Variants in ZNF670 observed in about 807,000 individuals in gnomAD.
ZNF670 encodes zinc finger protein 670.
A neutral mutation model predicts 10.9 loss-of-function variants in ZNF670; 7 were observed. That is an observed-to-expected ratio of 0.64 (90% CI 0.36 to 1.20). The LOEUF is 1.20. Among genes scored for constraint, ZNF670 ranks in the 50% most tolerant of loss-of-function variants. ZNF670 has a pLI of 0.02. For synonymous variants in ZNF670, 136 were observed against 152.7 expected, an observed-to-expected ratio of 0.89 and a Z score of 0.81; for missense variants, 446 against 458.6, an observed-to-expected ratio of 0.97 and a Z score of 0.25.
intron 1 of ZNF670, among the ~76,000 whole-genome samples, chr1:247,058,731 A>G (rs943841037): frequency 6.7e-6 from 1 of 150,282 alleles, no homozygotes; most frequent in African/African-American, 2.5e-5. Flanking sequence ...AAAAAACCAC[A>G]GTGAACATTA....
rs192611201 is a variant in ZNF670, at chr1:247,047,514, A to C, written c.4-7977T>G. ...CCTAGACGTCCATGTATTTCCATACATCCTCTGAAATTGTGGCAGAGGTTC... is the reference window on the plus strand; with the variant it reads ...CCTAGACGTCCATGTATTTCCATACCTCCTCTGAAATTGTGGCAGAGGTTC... On this transcript the variant is annotated intron_variant, in intron 1 of 3. Transcript: ENST00000366503. Among the ~76,000 whole-genome samples the C allele has an allele frequency of 2.2e-3, 329 of 152,060 alleles. 2 individuals carry two copies. Among genetic ancestry groups the C allele is most frequent in the African/African-American group, 7.5e-3 (313 of 41,472 alleles).
chr1:247,073,524 T>C (rs1437636835), intron 1 of ZNF670, among the ~76,000 whole-genome samples: 3 of 152,170 alleles, frequency 2.0e-5, no homozygotes, highest in African/African-American at 7.2e-5. Flanking sequence ...ACACCCTATT[T>C]ATCCCCTGCT....
chr1:247,041,901 A>G (rs747842570), intron 1 of ZNF670, among the ~76,000 whole-genome samples: 1 of 152,206 alleles, frequency 6.6e-6, no homozygotes, highest in Admixed American at 6.5e-5. Flanking sequence ...ATGGAACTGA[A>G]AAATTACAGA....
intron 1 of ZNF670, among the ~76,000 whole-genome samples, chr1:247,076,700 A>C (rs1572576526): frequency 1.4e-5 from 2 of 140,110 alleles, no homozygotes; most frequent in African/African-American, 5.5e-5. Flanking sequence ...TCCCTCTGTC[A>C]CCCAGGCTGG....
In ZNF670 at chr1:247,036,449, T is replaced by C. The variant is rs113541907; in HGVS notation, c.*1000A>G. Among the ~76,000 whole-genome samples, 3,929 of 152,232 alleles carry C rather than the reference T, an allele frequency of 0.026. 69 individuals carry two copies. The highest frequency in any genetic ancestry group is 0.039 in the Non-Finnish European group (2,633 of 67,998). ...AGGAGGATAGCTTGAGGCCAGGAAT[T>C]CAATACCAGCCTAGACAATACAGCG... On this transcript the variant is annotated 3_prime_UTR_variant, in exon 4 of 4. Coordinates refer to ENST00000366503, the MANE Select transcript of ZNF670 (RefSeq NM_033213.5).
chr1:247,036,115 TA>T lies in ZNF670; in HGVS notation c.*1333del, dbSNP rs1343183528. On this transcript the variant is annotated 3_prime_UTR_variant, in exon 4 of 4. Coordinates refer to ENST00000366503, the MANE Select transcript of ZNF670 (RefSeq NM_033213.5). ...ATTTATATCTGAAAGCCAGTTAACG[TA>T]ATAGACTATCAGTAGAATGCCAAAA... is the stretch of plus-strand genomic sequence containing the variant. 6.6e-6 allele frequency among the ~76,000 whole-genome samples: 1 copy of T among 152,114 alleles called. No homozygotes were observed. The highest frequency in any genetic ancestry group is 2.4e-5 in the African/African-American group (1 of 41,404).
intron 1 of ZNF670, among the ~76,000 whole-genome samples, chr1:247,049,308 T>C (rs1670536784): frequency 6.6e-6 from 1 of 151,972 alleles, no homozygotes; most frequent in Non-Finnish European, 1.5e-5. Context: ...CCTCACGACC[T>C]GCCCACCTCG....
chr1:247,040,480 A>G (rs1163565319), intron 1 of ZNF670, among the ~76,000 whole-genome samples: 1 of 152,182 alleles, frequency 6.6e-6, no homozygotes. Context: ...CAGACACTTT[A>G]TTAGCAACTG....
chr1:247,076,430 G>T (rs1356274013), intron 1 of ZNF670, among the ~76,000 whole-genome samples: 2 of 150,772 alleles, frequency 1.3e-5, no homozygotes, highest in East Asian at 4.0e-4. Context: ...CTAATTTTTT[G>T]TATTTTTAGT....
intron 1 of ZNF670, among the ~76,000 whole-genome samples, chr1:247,076,764 G>A (rs902428497): frequency 2.7e-5 from 4 of 147,436 alleles, no homozygotes; most frequent in East Asian, 2.1e-4. Context: ...GGCCTCAAGC[G>A]ATTCTCCTGC....
intron 1 of ZNF670, among the ~76,000 whole-genome samples, chr1:247,069,814 T>G (rs1432528145): frequency 6.6e-6 from 1 of 152,030 alleles, no homozygotes; most frequent in African/African-American, 2.4e-5. Flanking sequence ...CTCATGGACA[T>G]GAGTCAAAGG....
chr1:247,061,041 T>G (rs2103065629), intron 1 of ZNF670, among the ~76,000 whole-genome samples: 1 of 152,266 alleles, frequency 6.6e-6, no homozygotes, highest in South Asian at 2.1e-4. Flanking sequence ...TGCACAAATC[T>G]CAGTGCAACA....
intron 1 of ZNF670, among the ~76,000 whole-genome samples, chr1:247,049,350 G>A (rs993085549): frequency 3.3e-5 from 5 of 152,014 alleles, no homozygotes; most frequent in African/African-American, 1.2e-4. Flanking sequence ...ACAGGCATGA[G>A]CCACCATGCC....
intron 1 of ZNF670, among the ~76,000 whole-genome samples, chr1:247,039,954 T>C (rs536590153): frequency 2.0e-5 from 3 of 152,350 alleles, no homozygotes; most frequent in East Asian, 3.9e-4. Flanking sequence ...CCTTTTGGTG[T>C]GAGAAAATAG....
chr1:247,070,546 G>A (rs1671090719), intron 1 of ZNF670, among the ~76,000 whole-genome samples: 1 of 152,120 alleles, frequency 6.6e-6, no homozygotes, highest in Admixed American at 6.6e-5. Context: ...GAAAACCTAG[G>A]ACATACCATT....
intron 1 of ZNF670, among the ~76,000 whole-genome samples, chr1:247,063,577 C>CAAAAAA (rs5782410): frequency 2.1e-5 from 2 of 93,248 alleles, no homozygotes; most frequent in Admixed American, 1.3e-4. Context: ...AGCGAGACAC[C>CAAAAAA]AAAAAAAAAA....
At chr1:247,066,804 A>C (rs1670990129) in intron 1 of ZNF670, among the ~76,000 whole-genome samples, 1 of 152,192 alleles carries the variant, frequency 6.6e-6, no homozygotes, top group Non-Finnish European at 1.5e-5. Context: ...GAAGCCTGCT[A>C]TCTGGGGATT....
Position 247,038,575 on chromosome 1 carries a change from A to G in ZNF670, c.192-148T>C, listed in dbSNP as rs1670225423. ...TGTAAGATATGGGTCCCCCATAGCT[A>G]TTATCATTATTATCATAATTGTGAT... On this transcript the variant is annotated intron_variant, in intron 3 of 3. Coordinates refer to ENST00000366503, the MANE Select transcript of ZNF670 (RefSeq NM_033213.5). 7.6e-6 allele frequency: 6 copies of G among 789,104 alleles called. No individual in the cohort carries two copies. The South Asian group carries it at 1.1e-4, about 15-fold the overall frequency. The allele number at this position is 789,104 out of a possible 1,614,324, so 48.9% of individuals were successfully genotyped here. A position where few individuals can be genotyped will look rare whatever the true frequency, so the allele number is the denominator to read the frequency against.
chr1:247,064,679 G>A, intron 1 of ZNF670, among the ~76,000 whole-genome samples: 1 of 152,224 alleles, frequency 6.6e-6, no homozygotes. Context: ...ACGGGGCCCA[G>A]GTCAGGCAAC....
Sources: allele counts gnomAD v4.1 joint callset (sites outside exome capture counted in the v4.1 genomes callset), GRCh38; gene constraint gnomAD v4.1.1; transcripts MANE v1.5; gene names NCBI Gene and HGNC (gene_info 2026-07-23, HGNC 2026-07-21).